EYA1: variants seen among roughly 807,000 people sequenced by gnomAD.
The protein encoded by EYA1 is protein phosphatase EYA1.
EYA1 carries 16 observed loss-of-function variants against 82.0 expected under a neutral mutation model. That is an observed-to-expected ratio of 0.20 (90% CI 0.13 to 0.30). The LOEUF is 0.30. Ranked by LOEUF, EYA1 falls within the 10% of genes least tolerant of loss-of-function variation. EYA1 has a pLI of 1.00. For synonymous variants in EYA1, 261 were observed against 264.4 expected, an observed-to-expected ratio of 0.99 and a Z score of 0.12; for missense variants, 633 against 730.7, an observed-to-expected ratio of 0.87 and a Z score of 1.54.
At chr8:71,342,191 C>A (rs1323391727) in intron 3 of EYA1, among the ~76,000 whole-genome samples, 2 of 152,166 alleles carry the variant, frequency 1.3e-5, no homozygotes, top group African/African-American at 4.8e-5. Context: ...ATATCAGCCC[C>A]TTGCTCAAAA....
chr8:71,387,716 C>G (rs1242162528), intron 2 of EYA1, among the ~76,000 whole-genome samples: 1 of 151,864 alleles, frequency 6.6e-6, no homozygotes, highest in South Asian at 2.1e-4. Flanking sequence ...TGCCACATAC[C>G]TTTTAGATAC....
intron 9 of EYA1, among the ~76,000 whole-genome samples, chr8:71,277,191 T>C (rs1817307783): frequency 3.5e-5 from 5 of 143,980 alleles, no homozygotes; most frequent in Admixed American, 2.2e-4. Context: ...GAGGATGAAG[T>C]GTAGTGGTAC....
rs542120894 is a variant in EYA1, at chr8:71,283,134, T to C, written c.827-11237A>G. ...TCCTCCCTGCCTTTACCCTCCCACT[T>C]TCCTTTCCCAGAGGCTCCAATGCCT... is the stretch of plus-strand genomic sequence containing the variant. On this transcript the variant is annotated intron_variant, in intron 9 of 17. Coordinates refer to ENST00000340726, the MANE Select transcript of EYA1 (RefSeq NM_000503.6). Among the ~76,000 whole-genome samples, 16 of 152,208 alleles carry C rather than the reference T, an allele frequency of 1.1e-4. No homozygotes were observed. In the East Asian group the frequency reaches 3.1e-3, roughly 29 times the overall value.
intron 9 of EYA1, among the ~76,000 whole-genome samples, chr8:71,273,917 A>G (rs1353109298): frequency 1.3e-5 from 2 of 152,110 alleles, no homozygotes; most frequent in African/African-American, 4.8e-5. Flanking sequence ...TCTTTCCTAG[A>G]TTTTGTTAGC....
At position 71,269,791 on chromosome 8, in the gene EYA1, G is replaced by T; in HGVS notation, c.999C>A (p.Ile333=). Residue 333 remains isoleucine, a synonymous_variant, in exon 11 of 18, where the codon ATC becomes ATA. Transcript: ENST00000340726. ...CAGTAAGCAAGGAGTGGAAAACAAT[G>T]ATTGTCTCATCCAAGTCCCAGATGA... ...RVFIWDLDET[I]IVFHSLLTGS... 1 of 1,613,714 alleles carries T rather than the reference G, an allele frequency of 6.2e-7. No homozygotes were observed. The highest frequency in any genetic ancestry group is 1.3e-5 in the African/African-American group (1 of 75,044).
chr8:71,199,287 G>C lies in EYA1; in HGVS notation c.*53C>G. On this transcript the variant is annotated 3_prime_UTR_variant, in exon 18 of 18. Coordinates refer to ENST00000340726, the MANE Select transcript of EYA1 (RefSeq NM_000503.6). ...CGCTGATGCGAGACTGGGGCCTGCTGGATCTGTCCCTGGTCACAGAGCAGC... is the reference window on the plus strand; with the variant it reads ...CGCTGATGCGAGACTGGGGCCTGCTCGATCTGTCCCTGGTCACAGAGCAGC... The C allele has an allele frequency of 2.2e-6, 3 of 1,343,528 alleles. No homozygotes were observed. Among genetic ancestry groups the C allele is most frequent in the Non-Finnish European group, 3.2e-6 (3 of 948,968 alleles). The allele number at this position is 1,343,528 out of a possible 1,614,324, so 83.2% of individuals were successfully genotyped here. A position where few individuals can be genotyped will look rare whatever the true frequency, so the allele number is the denominator to read the frequency against.
chr8:71,453,133 C>T (rs1807535016), intron 2 of EYA1, among the ~76,000 whole-genome samples: 1 of 152,164 alleles, frequency 6.6e-6, no homozygotes, highest in African/African-American at 2.4e-5. Context: ...GCACAAGCTT[C>T]AGTAGATGAT....
At chr8:71,251,776 C>T (rs889579800) in intron 11 of EYA1, among the ~76,000 whole-genome samples, 5 of 152,118 alleles carry the variant, frequency 3.3e-5, no homozygotes, top group African/African-American at 1.2e-4. Context: ...AAATTTTCAT[C>T]ATGTACCCAA....
At chr8:71,442,205 A>C in intron 2 of EYA1, among the ~76,000 whole-genome samples, 1 of 152,214 alleles carries the variant, frequency 6.6e-6, no homozygotes, top group East Asian at 1.9e-4. Flanking sequence ...AAGTAAGGCA[A>C]TGCACTAAAC....
chr8:71,497,255 A>C (rs1366129919), intron 2 of EYA1, among the ~76,000 whole-genome samples: 2 of 152,218 alleles, frequency 1.3e-5, no homozygotes, highest in African/African-American at 4.8e-5. Context: ...GTTTTAAGAA[A>C]GTTTAGAAAT....
chr8:71,507,855 C>A (rs1812309164), intron 2 of EYA1, among the ~76,000 whole-genome samples: 1 of 152,266 alleles, frequency 6.6e-6, no homozygotes, highest in Non-Finnish European at 1.5e-5. Context: ...GAATTCCAAA[C>A]CCAGGTCCAT....
intron 9 of EYA1, among the ~76,000 whole-genome samples, chr8:71,290,178 C>T (rs1442794671): frequency 1.3e-5 from 2 of 152,190 alleles, no homozygotes; most frequent in African/African-American, 4.8e-5. Context: ...ATCAGTTCTA[C>T]CTTTATTTAA....
chr8:71,475,423 A>G, intron 2 of EYA1, among the ~76,000 whole-genome samples: 1 of 152,192 alleles, frequency 6.6e-6, no homozygotes, highest in East Asian at 1.9e-4. Flanking sequence ...TCTTTTCATG[A>G]TAAAAACAAT....
At chr8:71,336,311 C>A (rs751413146) in intron 3 of EYA1, among the ~76,000 whole-genome samples, 1 of 152,210 alleles carries the variant, frequency 6.6e-6, no homozygotes, top group African/African-American at 2.4e-5. Context: ...TGCTCTCCTA[C>A]GGTCTTAGGG....
intron 9 of EYA1, among the ~76,000 whole-genome samples, chr8:71,278,002 AAAAC>A (rs1354393133): frequency 3.3e-5 from 5 of 152,238 alleles, no homozygotes; most frequent in African/African-American, 1.2e-4. Flanking sequence ...ATTAAAAAGA[AAAAC>A]AAAGAACTGG....
At chr8:71,360,244 T>G (rs750503597) in intron 1 of EYA1, among the ~76,000 whole-genome samples, 6 of 152,218 alleles carry the variant, frequency 3.9e-5, no homozygotes, top group Non-Finnish European at 8.8e-5. Flanking sequence ...TTAAACCACA[T>G]GGATGCTACC....
At chr8:71,407,100 C>T (rs1830293296) in intron 2 of EYA1, among the ~76,000 whole-genome samples, 1 of 118,326 alleles carries the variant, frequency 8.5e-6, no homozygotes, top group Non-Finnish European at 1.8e-5. Flanking sequence ...GGAGGCACCC[C>T]CCAGCAGGGG....
intron 2 of EYA1, among the ~76,000 whole-genome samples, chr8:71,483,597 G>A (rs924751659): frequency 6.6e-6 from 1 of 151,950 alleles, no homozygotes; most frequent in Admixed American, 6.6e-5. Flanking sequence ...GGCCTCTGGG[G>A]AAGCTGGAAA....
At chr8:71,218,659 G>A (rs772914694) in intron 12 of EYA1, among the ~76,000 whole-genome samples, 10 of 152,140 alleles carry the variant, frequency 6.6e-5, no homozygotes, top group Admixed American at 2.6e-4. Flanking sequence ...CTTGGAAAAC[G>A]TGGTTGGGAA....
Sources: gnomAD v4.1 joint callset for allele counts (sites outside exome capture counted in the v4.1 genomes callset) on GRCh38, gnomAD v4.1.1 for gene constraint, MANE v1.5 for transcripts, NCBI Gene and HGNC (gene_info 2026-07-23, HGNC 2026-07-21) for gene names.